CCDC93: variants seen among roughly 807,000 people sequenced by gnomAD.
The protein encoded by CCDC93 is coiled-coil domain-containing protein 93.
A neutral mutation model predicts 108.2 loss-of-function variants in CCDC93; 61 were observed. The ratio of observed to expected loss-of-function variants is 0.56; its 90% confidence interval spans 0.46 to 0.70. The LOEUF is 0.70. Among genes scored for constraint, CCDC93 ranks in the 30% least tolerant of loss-of-function variants. The pLI is 0.00. For synonymous variants in CCDC93, 276 were observed against 260.4 expected (o/e 1.06, Z -0.58); for missense variants, 685 against 764.2 (o/e 0.90, Z 1.22).
At chr2:118,003,570 A>G (rs1007590041) in intron 3 of CCDC93, among the ~76,000 whole-genome samples, 2 of 152,178 alleles carry the variant, frequency 1.3e-5, no homozygotes, top group Admixed American at 1.3e-4. Context: ...CCAATTGCCT[A>G]GAACCATACA....
chr2:118,005,752 C>A (rs377028176), intron 3 of CCDC93, among the ~76,000 whole-genome samples: 1,648 of 133,738 alleles, frequency 0.012, no homozygotes, highest in Non-Finnish European at 0.014. Flanking sequence ...GACTCTGTCT[C>A]AAAAAAAAAA....
At position 117,958,473 on chromosome 2, in the gene CCDC93, C is replaced by T. The variant is rs766626893; in HGVS notation, c.897G>A (p.Glu299=). Reference sequence around the variant, plus strand: ...TTTCTGGACTTTCTTCAGCTGATAGCTCAGACTGCTGTGGAAAAAAGGGAT... The same window carrying T: ...TTTCTGGACTTTCTTCAGCTGATAGTTCAGACTGCTGTGGAAAAAAGGGAT... ...IVSEYAEKQS[E]LSAEESPEKL... Residue 299 remains glutamate, a synonymous_variant, in exon 12 of 24, where the codon GAG becomes GAA. Transcript: ENST00000376300. 5 of 1,589,624 alleles carry T rather than the reference C, an allele frequency of 3.1e-6. No individual in the cohort carries two copies. Among genetic ancestry groups the T allele is most frequent in the South Asian group, 2.2e-5 (2 of 90,608 alleles).
rs1245806931 is a variant in CCDC93, at chr2:117,948,087, A to G, written c.1224+18T>C. ...AATAAGCGTCCTGGTTTATTTGCTG[A>G]CACCAAACAACACTTACTCGACAAT... On this transcript the variant is annotated intron_variant, in intron 15 of 23. Transcript: ENST00000376300. 6.3e-7 allele frequency: 1 copy of G among 1,588,716 alleles called. No homozygotes were observed. The highest frequency in any genetic ancestry group is 1.3e-5 in the African/African-American group (1 of 74,348).
chr2:117,977,545 T>C (rs1679982181), intron 8 of CCDC93, among the ~76,000 whole-genome samples: 1 of 152,218 alleles, frequency 6.6e-6, no homozygotes, highest in East Asian at 1.9e-4. Flanking sequence ...GCATCCTTTG[T>C]GAAGTTAGAA....
At chr2:117,922,066 T>C (rs1677887899) in intron 23 of CCDC93, among the ~76,000 whole-genome samples, 1 of 152,116 alleles carries the variant, frequency 6.6e-6, no homozygotes, top group African/African-American at 2.4e-5. Flanking sequence ...TACACTATTA[T>C]ATTGTTATAC....
At chr2:118,002,516 G>T (rs1202299410) in intron 3 of CCDC93, among the ~76,000 whole-genome samples, 3 of 152,172 alleles carry the variant, frequency 2.0e-5, no homozygotes, top group Non-Finnish European at 4.4e-5. Flanking sequence ...GGTTAAAACT[G>T]CTGAGGACAA....
intron 7 of CCDC93, among the ~76,000 whole-genome samples, chr2:117,980,816 C>A (rs921045824): frequency 6.6e-6 from 1 of 152,210 alleles, no homozygotes; most frequent in South Asian, 2.1e-4. Context: ...TCCATCACCT[C>A]AAAAAGAAAC....
At chr2:118,013,156 T>C (rs1480304669) in intron 1 of CCDC93, among the ~76,000 whole-genome samples, 2 of 152,144 alleles carry the variant, frequency 1.3e-5, no homozygotes, top group African/African-American at 4.8e-5. Flanking sequence ...CAAAAGAAAA[T>C]GAATACACTT....
chr2:117,947,017 G>A (rs1678894749), intron 15 of CCDC93, 135 bp from the exon 16 acceptor site: 1 of 679,726 alleles, frequency 1.5e-6, no homozygotes, highest in Non-Finnish European at 2.6e-6. Context: ...TGAGGTAGCT[G>A]CCCTGATCTC....
chr2:118,006,630 T>A, intron 3 of CCDC93, 92 bp downstream of exon 3: 1 of 735,412 alleles, frequency 1.4e-6, no homozygotes, highest in Non-Finnish European at 2.5e-6. Flanking sequence ...AAATAAACTA[T>A]GTAAAGTGTC....
intron 4 of CCDC93, chr2:117,998,939 GA>G (rs1336827296): frequency 6.6e-6 from 1 of 152,138 alleles, no homozygotes; most frequent in Non-Finnish European, 1.5e-5. Flanking sequence ...TCTTGGCCTC[GA>G]ATTTACAAAT....
At chr2:117,928,068 C>T (rs915525044) in intron 23 of CCDC93, among the ~76,000 whole-genome samples, 1 of 146,048 alleles carries the variant, frequency 6.8e-6, no homozygotes, top group Non-Finnish European at 1.5e-5. Context: ...ATGTAGAAAG[C>T]TGAAACTGGA....
At chr2:117,932,423 C>A (rs1455436163) in intron 22 of CCDC93, among the ~76,000 whole-genome samples, 1 of 152,192 alleles carries the variant, frequency 6.6e-6, no homozygotes, top group Non-Finnish European at 1.5e-5. Context: ...AGGACAAATG[C>A]AACTTGGTGT....
At chr2:117,950,609 T>C (rs1679020735) in intron 13 of CCDC93, 1 of 985,426 alleles carries the variant, frequency 1.0e-6, no homozygotes, top group African/African-American at 1.7e-5. Flanking sequence ...AGGTCAAATC[T>C]GGGAAGCCTG....
At chr2:117,956,184 T>G (rs1010980784) in intron 12 of CCDC93, among the ~76,000 whole-genome samples, 2 of 152,218 alleles carry the variant, frequency 1.3e-5, no homozygotes, top group Non-Finnish European at 2.9e-5. Context: ...CATCTCTAAT[T>G]ACATTAAACA....
At chr2:117,935,396 G>T in intron 22 of CCDC93, 99 bp downstream of exon 22, 2 of 812,280 alleles carry the variant, frequency 2.5e-6, no homozygotes, top group African/African-American at 1.7e-5. Context: ...AGGATTGAGG[G>T]CACACTCCCC....
intron 19 of CCDC93, 111 bp downstream of exon 19, chr2:117,941,078 G>A: frequency 1.4e-6 from 1 of 737,494 alleles, no homozygotes; most frequent in Non-Finnish European, 2.3e-6. Flanking sequence ...CTTTCCGGTG[G>A]TGGCCTTTGT....
At chr2:117,993,561 T>C (rs1680552909) in intron 6 of CCDC93, among the ~76,000 whole-genome samples, 1 of 152,188 alleles carries the variant, frequency 6.6e-6, no homozygotes, top group Non-Finnish European at 1.5e-5. Flanking sequence ...CCTTCTCTCC[T>C]GCTGCTGGCC....
chr2:117,988,925 G>A (rs1680397542), intron 6 of CCDC93, among the ~76,000 whole-genome samples: 1 of 152,106 alleles, frequency 6.6e-6, no homozygotes, highest in African/African-American at 2.4e-5. Context: ...CCCCACCTCA[G>A]GTCTCCTTGA....
Sources: allele counts gnomAD v4.1 joint callset (sites outside exome capture counted in the v4.1 genomes callset), GRCh38; gene constraint gnomAD v4.1.1; transcripts MANE v1.5; gene names NCBI Gene and HGNC (gene_info 2026-07-23, HGNC 2026-07-21).